Variants in ARHGAP28 observed in about 807,000 individuals in gnomAD.
The protein encoded by ARHGAP28 is Rho GTPase activating protein 28, also known as rho GTPase-activating protein 28.
Under a neutral mutation model 90.7 loss-of-function variants are expected in ARHGAP28, and 56 were observed. The observed-to-expected ratio is 0.62, with a 90% CI of 0.50 to 0.77. The LOEUF is 0.77. ARHGAP28 is among the 30% of genes least tolerant of loss of function. ARHGAP28 has a pLI of 0.00. For synonymous variants in ARHGAP28, 308 were observed against 323.3 expected (o/e 0.95, Z 0.51); for missense variants, 869 against 900.9 (o/e 0.96, Z 0.45).
At chr18:6,824,495 C>T (rs1422284112) in intron 1 of ARHGAP28, among the ~76,000 whole-genome samples, 1 of 151,952 alleles carries the variant, frequency 6.6e-6, no homozygotes, top group Non-Finnish European at 1.5e-5. Context: ...CGAGATCGCG[C>T]CACCATACTC....
Position 6,839,292 on chromosome 18 carries a change from A to ATTT in ARHGAP28, c.543+1895_543+1897dup, listed in dbSNP as rs368008575. 7.5e-3 allele frequency among the ~76,000 whole-genome samples: 1,006 copies of ATTT among 133,942 alleles called. 28 individuals carry two copies. Among genetic ancestry groups the ATTT allele is most frequent in the Middle Eastern group, 0.02 (5 of 252 alleles). The allele number at this position is 133,942 out of a possible 152,430, so 87.9% of individuals were successfully genotyped here. On this transcript the variant is annotated intron_variant, in intron 3 of 17. Transcript: ENST00000383472. ...AGTTAGATTCACATTAACCAGCATA[A>ATTT]TTTTTTTTTTTTTTTTTTTGAGACA...
In ARHGAP28 at chr18:6,730,221, G is replaced by GTATATATATATATATATATATATATA. The variant is rs55890039; in HGVS notation, c.122+294_122+295insTATATATATATATATATATATATATA. 1.0e-3 allele frequency: 176 copies of GTATATATATATATATATATATATATA among 175,016 alleles called. 8 individuals carry two copies. Among genetic ancestry groups the GTATATATATATATATATATATATATA allele is most frequent in the African/African-American group, 4.6e-3 (160 of 34,670 alleles). 10.8% of individuals were successfully genotyped at this position (175,016 alleles called of 1,614,324 possible). On this transcript the variant is annotated intron_variant, in intron 1 of 17. Transcript: ENST00000383472. ...GATACGATTTGAGGATAAGTCATGT[G>GTATATATATATATATATATATATATA]TATATATATATATATACCTCATTTC... is the stretch of plus-strand genomic sequence containing the variant.
intron 16 of ARHGAP28, among the ~76,000 whole-genome samples, chr18:6,901,553 A>C (rs905537333): frequency 3.3e-5 from 5 of 151,896 alleles, no homozygotes; most frequent in Non-Finnish European, 5.9e-5. Context: ...AAAAAAAAAA[A>C]AAAACAGCCC....
intron 1 of ARHGAP28, among the ~76,000 whole-genome samples, chr18:6,777,212 T>C (rs1406780395): frequency 1.3e-5 from 2 of 152,108 alleles, no homozygotes; most frequent in African/African-American, 2.4e-5. Flanking sequence ...ATTTGAGAGA[T>C]ATGTTTAAGG....
At chr18:6,756,033 G>C (rs2056106733) in intron 1 of ARHGAP28, among the ~76,000 whole-genome samples, 3 of 152,194 alleles carry the variant, frequency 2.0e-5, no homozygotes, top group Admixed American at 2.0e-4. Context: ...GAGCCAGACT[G>C]TTGGATTGGG....
At chr18:6,894,926 T>C (rs2057294131) in intron 15 of ARHGAP28, 35 bp downstream of exon 15, 1 of 1,587,704 alleles carries the variant, frequency 6.3e-7, no homozygotes, top group Non-Finnish European at 8.6e-7. Context: ...TTCCATTAAC[T>C]CCCTATATAG....
chr18:6,767,063 T>C (rs951549787), intron 1 of ARHGAP28, among the ~76,000 whole-genome samples: 2 of 152,212 alleles, frequency 1.3e-5, no homozygotes, highest in African/African-American at 4.8e-5. Context: ...CCCTCGTTTA[T>C]ATTACCTGAG....
At chr18:6,773,494 G>A (rs1054012883) in intron 1 of ARHGAP28, among the ~76,000 whole-genome samples, 16 of 152,136 alleles carry the variant, frequency 1.1e-4, no homozygotes, top group Non-Finnish European at 2.1e-4. Flanking sequence ...TGCAAAGTGC[G>A]TATTATCAAT....
intron 4 of ARHGAP28, among the ~76,000 whole-genome samples, chr18:6,858,055 T>C (rs1350419886): frequency 6.6e-6 from 1 of 152,212 alleles, no homozygotes; most frequent in Non-Finnish European, 1.5e-5. Flanking sequence ...ATGTCTTTTG[T>C]TGTGGCATCT....
rs8093345 is a variant in ARHGAP28, at chr18:6,829,206, C to T, written c.325+4242C>T. ...GACAGGAAGACACATAAAGGAAAAT[C>T]CCTATCATCCCTTACCCCCTTTTTC... On this transcript the variant is annotated intron_variant, in intron 2 of 17. Coordinates refer to ENST00000383472, the MANE Select transcript of ARHGAP28 (RefSeq NM_001366230.1). Among the ~76,000 whole-genome samples, 849 of 152,256 alleles carry T rather than the reference C, an allele frequency of 5.6e-3. 6 individuals are homozygous for T. The highest frequency in any genetic ancestry group is 0.02 in the African/African-American group (829 of 41,540).
chr18:6,858,521 A>G (rs2056971928), intron 4 of ARHGAP28, among the ~76,000 whole-genome samples: 1 of 150,566 alleles, frequency 6.6e-6, no homozygotes, highest in Non-Finnish European at 1.5e-5. Context: ...GTAGATTGTC[A>G]GTTCACCATC....
At chr18:6,869,866 C>T (rs181221844) in intron 6 of ARHGAP28, among the ~76,000 whole-genome samples, 68 of 152,184 alleles carry the variant, frequency 4.5e-4, no homozygotes, top group African/African-American at 1.5e-3. Context: ...AATCTGAATC[C>T]GAAATCAGGT....
In ARHGAP28 at chr18:6,876,221, T is replaced by C. The variant is rs1262713888; in HGVS notation, c.1290+13T>C. 1.2e-6 allele frequency: 2 copies of C among 1,610,662 alleles called. No individual in the cohort carries two copies. The highest frequency in any genetic ancestry group is 2.2e-5 in the South Asian group (2 of 91,000). On this transcript the variant is annotated intron_variant, in intron 10 of 17. Transcript: ENST00000383472. ...TGCTAAAGTCAAGGTACCGAACATTTTGTCTCTTCCTAGGTAGAGTTCTAA... is the reference window on the plus strand; with the variant it reads ...TGCTAAAGTCAAGGTACCGAACATTCTGTCTCTTCCTAGGTAGAGTTCTAA...
intron 1 of ARHGAP28, among the ~76,000 whole-genome samples, chr18:6,809,312 T>A (rs2056540149): frequency 6.6e-6 from 1 of 152,302 alleles, no homozygotes; most frequent in South Asian, 2.1e-4. Context: ...TATATATTTT[T>A]AACCTACGTA....
chr18:6,768,251 G>A (rs532442745), intron 1 of ARHGAP28, among the ~76,000 whole-genome samples: 29 of 151,596 alleles, frequency 1.9e-4, no homozygotes, highest in Non-Finnish European at 3.5e-4. Context: ...TGCTAATTCC[G>A]CCACCCTTGA....
At chr18:6,863,714 T>G (rs1332597328) in intron 5 of ARHGAP28, among the ~76,000 whole-genome samples, 1 of 151,504 alleles carries the variant, frequency 6.6e-6, no homozygotes, top group Non-Finnish European at 1.5e-5. Flanking sequence ...TGTATATATT[T>G]TTGATATATT....
At chr18:6,898,430 T>C (rs888251628) in intron 16 of ARHGAP28, 1 of 1,497,294 alleles carries the variant, frequency 6.7e-7, no homozygotes, top group African/African-American at 1.4e-5. Flanking sequence ...TTCCACTTGC[T>C]CCAAGAATAC....
Position 6,824,938 on chromosome 18 carries a change from C to A in ARHGAP28, c.299C>A (p.Pro100Gln). Reference sequence around the variant, plus strand: ...AGCATGGGAGGGCAAGAAGAGCCACCGCCAGCTGAGGTCACACCTGTGGAT... The same window carrying A: ...AGCATGGGAGGGCAAGAAGAGCCACAGCCAGCTGAGGTCACACCTGTGGAT... Reference protein sequence around the residue: ...DSSMGGQEEPPPAEVTPVDEG... With the variant: ...DSSMGGQEEPQPAEVTPVDEG... The change falls in exon 2 of 18, where the codon CCG becomes CAG. Residue 100 changes from proline to glutamine, a missense_variant. Physicochemically the swap from Pro to Gln is moderately conservative, Grantham distance 76 (BLOSUM62 -1). Transcript: ENST00000383472. 1 of 1,535,368 alleles carries A rather than the reference C, an allele frequency of 6.5e-7. No individual in the cohort carries two copies. The highest frequency in any genetic ancestry group is 8.7e-7 in the Non-Finnish European group (1 of 1,146,582).
At chr18:6,747,139 CT>C in intron 1 of ARHGAP28, among the ~76,000 whole-genome samples, 1 of 150,002 alleles carries the variant, frequency 6.7e-6, no homozygotes, top group South Asian at 2.1e-4. Context: ...AAGAGCAAAG[CT>C]AATCAAGACA....
Sources: allele counts gnomAD v4.1 joint callset (sites outside exome capture counted in the v4.1 genomes callset), GRCh38; gene constraint gnomAD v4.1.1; transcripts MANE v1.5; gene names NCBI Gene and HGNC (gene_info 2026-07-23, HGNC 2026-07-21).